MR1: variants seen among roughly 807,000 people sequenced by gnomAD.
MR1 encodes the protein major histocompatibility complex, class I-related, also known as major histocompatibility complex class I-related protein 1.
In MR1, 44 loss-of-function variants were observed where a neutral mutation model predicts 37.8. The ratio of observed to expected loss-of-function variants is 1.16; its 90% CI spans 0.91 to 1.50. The LOEUF is 1.50. Ranked by LOEUF, MR1 falls within the 40% of genes most tolerant of loss-of-function variation. The pLI is 0.00. For missense variants in MR1, 386 were observed against 419.1 expected (o/e 0.92, Z 0.69); for synonymous variants, 153 against 155.8 (o/e 0.98, Z 0.13).
rs1385890454 is a variant in MR1 at position 181,057,513 on chromosome 1, T to C, written c.*2248T>C. 6.6e-6 allele frequency: 1 copy of C among 152,202 alleles called. No individual in the cohort carries two copies. The highest frequency in any genetic ancestry group is 1.9e-4 in the East Asian group (1 of 5,194). The allele number at this position is 152,202 out of a possible 1,614,324, so 9.4% of individuals were successfully genotyped here. A position where few individuals can be genotyped will look rare whatever the true frequency, so the allele number is the denominator to read the frequency against. ...GCCTTTTGATTCTGCAACTGCAGGATACTCTCATCAAAGACACAGATAAAA... is the reference window on the plus strand; with the variant it reads ...GCCTTTTGATTCTGCAACTGCAGGACACTCTCATCAAAGACACAGATAAAA... On this transcript the variant is annotated 3_prime_UTR_variant, in exon 6 of 6. Transcript: ENST00000367580.
rs1658730592 is a variant in MR1 at position 181,058,480 on chromosome 1, A to G, written c.*3215A>G. 6.6e-6 allele frequency: 1 copy of G among 152,218 alleles called. No individual in the cohort carries two copies. The highest frequency in any genetic ancestry group is 6.5e-5 in the Admixed American group (1 of 15,280). 9.4% of individuals were successfully genotyped at this position (152,218 alleles called of 1,614,324 possible). Reference sequence around the variant, plus strand: ...TAAAGAGCAGGGTGAAAAATCCAACAAGACTCCATCGAGAGTTTCTGAGCT... The same window carrying G: ...TAAAGAGCAGGGTGAAAAATCCAACGAGACTCCATCGAGAGTTTCTGAGCT... On this transcript the variant is annotated 3_prime_UTR_variant, in exon 6 of 6. Transcript: ENST00000367580.
intron 1 of MR1, among the ~76,000 whole-genome samples, chr1:181,048,230 A>AAAT (rs1658026314): frequency 7.2e-6 from 1 of 139,316 alleles, no homozygotes; most frequent in East Asian, 2.2e-4. Flanking sequence ...AAAATAAATA[A>AAAT]AATAAAATAA....
chr1:181,054,543 C>A (rs1459052391), intron 5 of MR1, among the ~76,000 whole-genome samples: 1 of 152,162 alleles, frequency 6.6e-6, no homozygotes, highest in Non-Finnish European at 1.5e-5. Context: ...GTAAAACCAA[C>A]CCTTTTACTA....
In MR1 at chr1:181,049,137, C is replaced by A; in HGVS notation, c.153C>A (p.Asp51Glu). The change falls in exon 2 of 6, where the codon GAC (aspartate) becomes GAA (glutamate). Residue 51 changes from aspartate (D) to glutamate (E), a missense_variant. Transcript: ENST00000367580. Reference sequence around the variant, plus strand: ...AATTTATTTCGGTTGGGTACGTGGACTCGCACCCTATCACCACATATGACA... The same window carrying A: ...AATTTATTTCGGTTGGGTACGTGGAATCGCACCCTATCACCACATATGACA... ...VPEFISVGYV[D>E]SHPITTYDSV... 3.1e-6 allele frequency: 5 copies of A among 1,614,204 alleles called. No individual in the cohort carries two copies. Among genetic ancestry groups the A allele is most frequent in the Non-Finnish European group, 4.2e-6 (5 of 1,180,022 alleles).
chr1:181,033,921 A>T, upstream of MR1: 2 of 1,101,314 alleles, frequency 1.8e-6, no homozygotes, highest in Non-Finnish European at 2.6e-6. Context: ...CCCTGTTCTT[A>T]TTGGGAGAAG....
upstream of MR1, chr1:181,033,970 T>A: frequency 1.9e-6 from 3 of 1,589,876 alleles, no homozygotes; most frequent in Non-Finnish European, 2.6e-6. Context: ...AAGGGACCTG[T>A]CAGTTTTTGG....
Position 181,055,454 on chromosome 1 carries a change from C to A in MR1, c.*189C>A. ...TCTTTGTTCTTTGGCTCCAAAAAGA[C>A]TGTCAGCTTTCAGTCTCTTTTGATG... On this transcript the variant is annotated 3_prime_UTR_variant, in exon 6 of 6. Coordinates refer to ENST00000367580, the MANE Select transcript of MR1 (RefSeq NM_001385161.1). The A allele has an allele frequency of 1.7e-6, 1 of 581,102 alleles. No homozygotes were observed. Among genetic ancestry groups the A allele is most frequent in the Non-Finnish European group, 3.0e-6 (1 of 328,276 alleles). 36.0% of individuals were successfully genotyped at this position (581,102 alleles called of 1,614,324 possible).
intron 4 of MR1, 148 bp downstream of exon 4, chr1:181,052,658 C>A: frequency 3.4e-6 from 3 of 883,342 alleles, no homozygotes; most frequent in Non-Finnish European, 5.0e-6. Context: ...GGTTCTCACA[C>A]TTTTTGGAAC....
At chr1:181,054,923 T>C (rs577357558) in intron 5 of MR1, among the ~76,000 whole-genome samples, 82 of 152,312 alleles carry the variant, frequency 5.4e-4, no homozygotes, top group African/African-American at 1.9e-3. Flanking sequence ...GGGTTGTTAA[T>C]GTTTTCTTTA....
Position 181,061,400 on chromosome 1 carries a change from T to A in MR1, c.*6135T>A, listed in dbSNP as rs1021484087. The A allele has an allele frequency of 6.6e-6, 1 of 152,232 alleles. No homozygotes were observed. The highest frequency in any genetic ancestry group is 2.4e-5 in the African/African-American group (1 of 41,456). The allele number at this position is 152,232 out of a possible 1,614,324, so 9.4% of individuals were successfully genotyped here. A position where few individuals can be genotyped will look rare whatever the true frequency, so the allele number is the denominator to read the frequency against. ...CGTTTGTTCCCCAGTGGGGTATCTA[T>A]CCTTGTGCAGGGCACAAGCCTACAT... On this transcript the variant is annotated 3_prime_UTR_variant, in exon 6 of 6. Coordinates refer to ENST00000367580, the MANE Select transcript of MR1 (RefSeq NM_001385161.1).
In MR1 at chr1:181,052,456, T is replaced by G; in HGVS notation, c.826T>G (p.Tyr276Asp). 1 of 1,614,204 alleles carries G rather than the reference T, an allele frequency of 6.2e-7. No individual in the cohort carries two copies. The highest frequency in any genetic ancestry group is 8.5e-7 in the Non-Finnish European group (1 of 1,180,048). The change falls in exon 4 of 6, where the codon TAC (tyrosine) becomes GAC (aspartate). Residue 276 changes from tyrosine (Y) to aspartate (D), a missense_variant. Physicochemically the swap from Tyr to Asp is radical, Grantham distance 160. Transcript: ENST00000367580. Reference sequence around the variant, plus strand: ...GCTTGATCCTCAGAGCAGCAACCTTTACTCCTGTCATGTGGAGCACTGCGG... The same window carrying G: ...GCTTGATCCTCAGAGCAGCAACCTTGACTCCTGTCATGTGGAGCACTGCGG... ...IELDPQSSNL[Y>D]SCHVEHCGVH...
At chr1:181,048,611 G>A (rs1458351330) in intron 1 of MR1, among the ~76,000 whole-genome samples, 1 of 152,182 alleles carries the variant, frequency 6.6e-6, no homozygotes, top group Non-Finnish European at 1.5e-5. Context: ...CAGAGGTGGA[G>A]TGGGGGTCCT....
At position 181,055,763 on chromosome 1, in the gene MR1, C is replaced by T. The variant is rs191945926; in HGVS notation, c.*498C>T. 3.1e-5 allele frequency: 5 copies of T among 161,198 alleles called. No individual in the cohort carries two copies. The highest frequency in any genetic ancestry group is 2.9e-4 in the Admixed American group (5 of 17,010). The allele number at this position is 161,198 out of a possible 1,614,324, so 10.0% of individuals were successfully genotyped here. On this transcript the variant is annotated 3_prime_UTR_variant, in exon 6 of 6. Coordinates refer to ENST00000367580, the MANE Select transcript of MR1 (RefSeq NM_001385161.1). Reference sequence around the variant, plus strand: ...ACAAGCGCTTTGAATATCATGGGCACCATGACTGTGACCCTACAGGTAGGA... The same window carrying T: ...ACAAGCGCTTTGAATATCATGGGCATCATGACTGTGACCCTACAGGTAGGA...
In MR1 at chr1:181,057,269, A is replaced by G. The variant is rs1558123966; in HGVS notation, c.*2004A>G. 1.3e-5 allele frequency: 2 copies of G among 152,228 alleles called. No individual in the cohort carries two copies. The highest frequency in any genetic ancestry group is 4.8e-5 in the African/African-American group (2 of 41,452). The allele number at this position is 152,228 out of a possible 1,614,324, so 9.4% of individuals were successfully genotyped here. A position where few individuals can be genotyped will look rare whatever the true frequency, so the allele number is the denominator to read the frequency against. ...TCCGGTGCCTGTTGAGTTGCATAGA[A>G]GCACAGTTGTGTTTATTTTGTTTTT... On this transcript the variant is annotated 3_prime_UTR_variant, in exon 6 of 6. Transcript: ENST00000367580.
rs1428763867 is a variant in MR1, at chr1:181,061,417, A to G, written c.*6152A>G. 6.6e-6 allele frequency: 1 copy of G among 152,232 alleles called. No individual in the cohort carries two copies. Among genetic ancestry groups the G allele is most frequent in the Non-Finnish European group, 1.5e-5 (1 of 68,034 alleles). The allele number at this position is 152,232 out of a possible 1,614,324, so 9.4% of individuals were successfully genotyped here. ...GGTATCTATCCTTGTGCAGGGCACA[A>G]GCCTACATGGTGGCTCTGGTCATAT... is the stretch of plus-strand genomic sequence containing the variant. On this transcript the variant is annotated 3_prime_UTR_variant, in exon 6 of 6. Coordinates refer to ENST00000367580, the MANE Select transcript of MR1 (RefSeq NM_001385161.1).
chr1:181,053,476 G>A (rs953909711), intron 4 of MR1, 97 bp from the exon 5 acceptor site: 15 of 829,228 alleles, frequency 1.8e-5, no homozygotes, highest in Non-Finnish European at 2.9e-5. Flanking sequence ...GGAAAATGGT[G>A]TTGGGTTTCC....
At chr1:181,046,018 C>T (rs1657839125) in intron 1 of MR1, among the ~76,000 whole-genome samples, 1 of 152,240 alleles carries the variant, frequency 6.6e-6, no homozygotes, top group Non-Finnish European at 1.5e-5. Flanking sequence ...AAGTGCCAGC[C>T]CACCAGCGCT....
chr1:181,059,276 C>CTT lies in MR1; in HGVS notation c.*4013_*4014dup, dbSNP rs1658792449. On this transcript the variant is annotated 3_prime_UTR_variant, in exon 6 of 6. Transcript: ENST00000367580. ...CCTCTCTTTCTTTGGAAATTGCCAT[C>CTT]TTTGAGCATTGTATGTCTCTGTAAC... 1 of 152,198 alleles carries CTT rather than the reference C, an allele frequency of 6.6e-6. No homozygotes were observed. Among genetic ancestry groups the CTT allele is most frequent in the Non-Finnish European group, 1.5e-5 (1 of 68,070 alleles). The allele number at this position is 152,198 out of a possible 1,614,324, so 9.4% of individuals were successfully genotyped here.
In MR1 at chr1:181,052,234, G is replaced by A; in HGVS notation, c.605-1G>A. The A allele has an allele frequency of 6.2e-7, 1 of 1,612,694 alleles. No homozygotes were observed. The highest frequency in any genetic ancestry group is 8.5e-7 in the Non-Finnish European group (1 of 1,179,014). On this transcript the variant is annotated splice_acceptor_variant, in intron 3 of 5. Coordinates refer to ENST00000367580, the MANE Select transcript of MR1 (RefSeq NM_001385161.1). LOFTEE classifies it high-confidence loss of function. The stretch of plus-strand genomic sequence containing the variant: ...ATTTAACTTTAGCTTCTTCTTCCTA[G>A]AGCCCCCACTGGTCAGAGTAAATCG...
Sources: gnomAD v4.1 joint callset for allele counts (sites outside exome capture counted in the v4.1 genomes callset) on GRCh38, gnomAD v4.1.1 for gene constraint, MANE v1.5 for transcripts, NCBI Gene and HGNC (gene_info 2026-07-23, HGNC 2026-07-21) for gene names.